WASHC3: variants seen among roughly 807,000 people sequenced by gnomAD.
WASHC3 encodes the protein WASH complex subunit CCDC53.
In WASHC3, 24 loss-of-function variants were observed where a neutral mutation model predicts 26.1. That is an observed-to-expected ratio of 0.92 (90% CI 0.66 to 1.29). The LOEUF is 1.29. Among genes scored for constraint, WASHC3 ranks in the 50% most tolerant of loss-of-function variants. The pLI, the probability that WASHC3 is intolerant of heterozygous loss-of-function variation, is 0.00. For missense variants in WASHC3, 214 were observed against 229.6 expected, an observed-to-expected ratio of 0.93 and a Z score of 0.44; for synonymous variants, 77 against 75.7, an observed-to-expected ratio of 1.02 and a Z score of -0.09.
chr12:102,028,046 G>A (rs1325220748), intron 5 of WASHC3, among the ~76,000 whole-genome samples: 2 of 152,032 alleles, frequency 1.3e-5, no homozygotes, highest in African/African-American at 4.8e-5. Context: ...GTCAAAGAAG[G>A]TAGAAGATAA....
At chr12:102,048,356 A>G (rs1428292315) in intron 2 of WASHC3, 1 of 152,206 alleles carries the variant, frequency 6.6e-6, no homozygotes, top group African/African-American at 2.4e-5. Context: ...CAGGTGTATC[A>G]TCTGAGGTCA....
intron 5 of WASHC3, among the ~76,000 whole-genome samples, chr12:102,038,617 A>G (rs931599998): frequency 3.9e-5 from 6 of 152,174 alleles, no homozygotes; most frequent in South Asian, 4.1e-4. Flanking sequence ...CGTGTTCATC[A>G]TGATTCATAC....
At position 102,012,995 on chromosome 12, in the gene WASHC3, A is replaced by T; in HGVS notation, c.*113T>A. The stretch of plus-strand genomic sequence containing the variant: ...TTTTTTAACATAGAAGAAGCTTGGT[A>T]GTGGACATGTGGCCATTTGATGTTT... On this transcript the variant is annotated 3_prime_UTR_variant, in exon 7 of 7. Coordinates refer to ENST00000240079, the MANE Select transcript of WASHC3 (RefSeq NM_016053.4). 1.8e-6 allele frequency: 1 copy of T among 550,454 alleles called. No individual in the cohort carries two copies. Among genetic ancestry groups the T allele is most frequent in the Non-Finnish European group, 3.2e-6 (1 of 312,342 alleles). 34.1% of individuals were successfully genotyped at this position (550,454 alleles called of 1,614,324 possible).
chr12:102,040,136 T>C, intron 4 of WASHC3, 158 bp from the exon 5 acceptor site: 1 of 378,322 alleles, frequency 2.6e-6, no homozygotes, highest in Non-Finnish European at 4.8e-6. Flanking sequence ...ATGAGATATG[T>C]TTCCAAATAT....
chr12:102,034,855 T>C (rs1841909371), intron 5 of WASHC3, among the ~76,000 whole-genome samples: 1 of 151,190 alleles, frequency 6.6e-6, no homozygotes, highest in Non-Finnish European at 1.5e-5. Flanking sequence ...TCAAAATAAG[T>C]AAATCTTGGG....
chr12:102,018,731 A>C (rs1311225699), intron 6 of WASHC3, among the ~76,000 whole-genome samples: 1 of 152,160 alleles, frequency 6.6e-6, no homozygotes, highest in Non-Finnish European at 1.5e-5. Flanking sequence ...TGGCCTCCCA[A>C]AGTGTTGAGA....
chr12:102,042,012 C>G (rs549219885), intron 4 of WASHC3, among the ~76,000 whole-genome samples: 1 of 152,134 alleles, frequency 6.6e-6, no homozygotes, highest in South Asian at 2.1e-4. Context: ...AGATGGCATT[C>G]ATAATAGCAC....
intron 2 of WASHC3, among the ~76,000 whole-genome samples, chr12:102,055,939 G>A (rs997883418): frequency 1.3e-5 from 2 of 152,132 alleles, no homozygotes; most frequent in Non-Finnish European, 2.9e-5. Flanking sequence ...TAACACAAAA[G>A]AGCAAGTACT....
chr12:102,035,603 A>G (rs1378716231), intron 5 of WASHC3, among the ~76,000 whole-genome samples: 1 of 152,192 alleles, frequency 6.6e-6, no homozygotes, highest in Non-Finnish European at 1.5e-5. Context: ...AAGAAATGAG[A>G]GCATATTTAT....
intron 2 of WASHC3, among the ~76,000 whole-genome samples, chr12:102,060,956 C>CAAAAAAAAAA (rs56001519): frequency 3.2e-4 from 18 of 55,620 alleles, no homozygotes; most frequent in African/African-American, 8.1e-4. Context: ...CCCTGTCTCA[C>CAAAAAAAAAA]AAAAAAAAAA....
intron 6 of WASHC3, among the ~76,000 whole-genome samples, chr12:102,021,456 C>T (rs143456174): frequency 6.6e-6 from 1 of 152,232 alleles, no homozygotes; most frequent in Non-Finnish European, 1.5e-5. Context: ...CAGACCACAA[C>T]TGCTTTTTAA....
At chr12:102,014,075 C>CTTTTT (rs1189181874) in intron 6 of WASHC3, among the ~76,000 whole-genome samples, 30 of 88,718 alleles carry the variant, frequency 3.4e-4, no homozygotes, top group South Asian at 8.7e-4. Flanking sequence ...ACTGCTACAT[C>CTTTTT]TTTTTTTTTT....
At chr12:102,040,640 C>T (rs1041196081) in intron 4 of WASHC3, among the ~76,000 whole-genome samples, 8 of 151,948 alleles carry the variant, frequency 5.3e-5, no homozygotes, top group African/African-American at 1.9e-4. Flanking sequence ...ATAAAGAATA[C>T]TGGGGAATGG....
At chr12:102,026,298 G>C (rs183294216) in intron 5 of WASHC3, among the ~76,000 whole-genome samples, 2 of 152,170 alleles carry the variant, frequency 1.3e-5, no homozygotes, top group South Asian at 4.1e-4. Context: ...GCTGTATACA[G>C]AACAGAGATC....
At chr12:102,047,241 T>A (rs1186095745) in intron 2 of WASHC3, among the ~76,000 whole-genome samples, 1 of 152,200 alleles carries the variant, frequency 6.6e-6, no homozygotes, top group Non-Finnish European at 1.5e-5. Flanking sequence ...ATACACAGCA[T>A]CCTGATTGTA....
intron 6 of WASHC3, among the ~76,000 whole-genome samples, chr12:102,020,609 CACTG>C (rs1876912453): frequency 6.6e-6 from 1 of 152,098 alleles, no homozygotes; most frequent in South Asian, 2.1e-4. Flanking sequence ...CACTTAAAGA[CACTG>C]AATTTAAAGC....
intron 6 of WASHC3, among the ~76,000 whole-genome samples, chr12:102,023,704 A>AC (rs1176378454): frequency 6.6e-6 from 1 of 152,094 alleles, no homozygotes; most frequent in African/African-American, 2.4e-5. Flanking sequence ...ACATTGAGTC[A>AC]CCCCCACTCC....
chr12:102,024,478 T>C (rs1877091456), intron 6 of WASHC3, among the ~76,000 whole-genome samples: 1 of 152,154 alleles, frequency 6.6e-6, no homozygotes, highest in Non-Finnish European at 1.5e-5. Flanking sequence ...ATTGACACTG[T>C]AGTGGGTAAG....
rs1359315190 is a variant in WASHC3 at position 102,012,874 on chromosome 12, T to A, written c.*234A>T. 5.6e-6 allele frequency: 2 copies of A among 359,978 alleles called. No individual in the cohort carries two copies. The highest frequency in any genetic ancestry group is 2.2e-5 in the African/African-American group (1 of 46,366). 22.3% of individuals were successfully genotyped at this position (359,978 alleles called of 1,614,324 possible). A position where few individuals can be genotyped will look rare whatever the true frequency, so the allele number is the denominator to read the frequency against. On this transcript the variant is annotated 3_prime_UTR_variant, in exon 7 of 7. Transcript: ENST00000240079. ...TATTCTATCTTAGTATTTGTAGCAC[T>A]AATTGTACTTTATTTAGGTTATCCT...
Sources: allele counts gnomAD v4.1 joint callset (sites outside exome capture counted in the v4.1 genomes callset), GRCh38; gene constraint gnomAD v4.1.1; transcripts MANE v1.5; gene names NCBI Gene and HGNC (gene_info 2026-07-23, HGNC 2026-07-21).